The following PAPSS1 variants were observed in gnomAD, a reference collection of about 807,000 sequenced individuals.
PAPSS1 encodes 3'-phosphoadenosine 5'-phosphosulfate synthase 1, also known as bifunctional 3'-phosphoadenosine 5'-phosphosulfate synthase 1.
PAPSS1 carries 50 observed loss-of-function variants against 72.0 expected under a neutral mutation model. The observed-to-expected ratio is 0.69, with a 90% CI of 0.55 to 0.88. The LOEUF (loss-of-function observed/expected upper bound fraction) is 0.88, where lower values mean the gene tolerates loss of function less well. PAPSS1 is among the 40% of genes least tolerant of loss of function. PAPSS1 has a pLI of 0.00. For synonymous variants in PAPSS1, 261 were observed against 263.6 expected, an observed-to-expected ratio of 0.99 and a Z score of 0.09; for missense variants, 657 against 782.2, an observed-to-expected ratio of 0.84 and a Z score of 1.91.
At chr4:107,637,807 T>C (rs17037921) in intron 10 of PAPSS1, among the ~76,000 whole-genome samples, 4,580 of 152,338 alleles carry the variant, frequency 0.03, 224 homozygotes, top group African/African-American at 0.1. Flanking sequence ...GTTGTGTTAA[T>C]GCTATAAAAA....
chr4:107,708,359 A>C (rs1723393667), intron 1 of PAPSS1, among the ~76,000 whole-genome samples: 1 of 152,186 alleles, frequency 6.6e-6, no homozygotes, highest in South Asian at 2.1e-4. Flanking sequence ...GCTAAGGAGG[A>C]AAAGGGAGCT....
chr4:107,695,229 C>A (rs1485824113), intron 2 of PAPSS1, among the ~76,000 whole-genome samples: 1 of 152,028 alleles, frequency 6.6e-6, no homozygotes, highest in African/African-American at 2.4e-5. Context: ...GTTGTATTCC[C>A]AGGTATTTTA....
chr4:107,640,205 A>G (rs1053797598), intron 10 of PAPSS1, among the ~76,000 whole-genome samples: 3 of 152,220 alleles, frequency 2.0e-5, no homozygotes, highest in African/African-American at 7.2e-5. Context: ...TTAATACCTC[A>G]CAAAGACAAA....
intron 1 of PAPSS1, among the ~76,000 whole-genome samples, chr4:107,719,502 ACTC>A (rs1723721170): frequency 6.6e-6 from 1 of 152,146 alleles, no homozygotes; most frequent in African/African-American, 2.4e-5. Context: ...AGTCTTCCAA[ACTC>A]CTACTTGTTA....
intron 1 of PAPSS1, among the ~76,000 whole-genome samples, chr4:107,718,696 G>A (rs982687330): frequency 3.3e-5 from 5 of 152,208 alleles, no homozygotes; most frequent in African/African-American, 1.2e-4. Context: ...TACGCACCAT[G>A]TGGCAAATGT....
intron 6 of PAPSS1, 55 bp downstream of exon 6, chr4:107,659,904 A>C (rs1727126198): frequency 2.1e-6 from 2 of 954,826 alleles, no homozygotes; most frequent in Non-Finnish European, 3.2e-6. Flanking sequence ...CAAATTTAAC[A>C]AACTACTGTA....
intron 5 of PAPSS1, among the ~76,000 whole-genome samples, chr4:107,660,824 C>A (rs1165141925): frequency 1.3e-5 from 2 of 152,154 alleles, no homozygotes; most frequent in Admixed American, 1.3e-4. Context: ...GTAACCTCTA[C>A]AACCATGCAA....
intron 9 of PAPSS1, among the ~76,000 whole-genome samples, chr4:107,645,796 C>T (rs905917462): frequency 6.6e-5 from 10 of 152,244 alleles, no homozygotes; most frequent in Non-Finnish European, 1.0e-4. Context: ...CCTCACAATA[C>T]CTGACAAAGC....
At chr4:107,638,474 C>T (rs1030884721) in intron 10 of PAPSS1, among the ~76,000 whole-genome samples, 3 of 152,102 alleles carry the variant, frequency 2.0e-5, no homozygotes, top group African/African-American at 7.2e-5. Context: ...AGCAACCAAA[C>T]TAATTTTATT....
intron 5 of PAPSS1, among the ~76,000 whole-genome samples, chr4:107,664,452 C>G (rs1174151391): frequency 6.6e-6 from 1 of 152,140 alleles, no homozygotes; most frequent in Non-Finnish European, 1.5e-5. Context: ...AGACTGAAGA[C>G]CAGGAGCAGT....
At chr4:107,686,768 C>T (rs1473651876) in intron 4 of PAPSS1, among the ~76,000 whole-genome samples, 2 of 152,198 alleles carry the variant, frequency 1.3e-5, no homozygotes, top group Non-Finnish European at 2.9e-5. Flanking sequence ...TAATGTTAGG[C>T]ACCTAATTTT....
chr4:107,660,859 C>T (rs1483985527), intron 5 of PAPSS1, among the ~76,000 whole-genome samples: 1 of 152,132 alleles, frequency 6.6e-6, no homozygotes, highest in Non-Finnish European at 1.5e-5. Context: ...GAGGGCTTTT[C>T]ATACATGTGT....
intron 9 of PAPSS1, among the ~76,000 whole-genome samples, chr4:107,649,681 T>C (rs1048176179): frequency 1.3e-5 from 2 of 152,220 alleles, no homozygotes; most frequent in African/African-American, 4.8e-5. Context: ...CAACTTTACT[T>C]AAAACATTCT....
chr4:107,675,773 C>T (rs577556226), intron 5 of PAPSS1, among the ~76,000 whole-genome samples: 2 of 152,118 alleles, frequency 1.3e-5, no homozygotes, highest in East Asian at 1.9e-4. Flanking sequence ...AACATCGATG[C>T]AAAAATCCTC....
intron 10 of PAPSS1, among the ~76,000 whole-genome samples, chr4:107,641,846 A>G (rs1257399977): frequency 6.6e-6 from 1 of 152,190 alleles, no homozygotes; most frequent in Non-Finnish European, 1.5e-5. Flanking sequence ...CTAGAGATAT[A>G]GACAGTTCCT....
At chr4:107,668,943 C>T (rs538357120) in intron 5 of PAPSS1, among the ~76,000 whole-genome samples, 1 of 152,110 alleles carries the variant, frequency 6.6e-6, no homozygotes, top group Non-Finnish European at 1.5e-5. Context: ...CTAACCTTCA[C>T]CTCCCTACTC....
intron 10 of PAPSS1, among the ~76,000 whole-genome samples, chr4:107,634,482 T>C (rs1310016326): frequency 6.6e-6 from 1 of 152,182 alleles, no homozygotes; most frequent in Non-Finnish European, 1.5e-5. Flanking sequence ...TTAATTTACA[T>C]TCCCACCATG....
At chr4:107,701,345 T>C (rs1453041315) in intron 1 of PAPSS1, 60 bp from the exon 2 acceptor site, 6 of 1,029,008 alleles carry the variant, frequency 5.8e-6, no homozygotes, top group Non-Finnish European at 8.9e-6. Context: ...GGCAAACACA[T>C]ATTCCTTGCA....
chr4:107,691,833 C>T (rs1722930076), intron 3 of PAPSS1, among the ~76,000 whole-genome samples: 1 of 152,140 alleles, frequency 6.6e-6, no homozygotes, highest in Non-Finnish European at 1.5e-5. Flanking sequence ...ATATTATTAC[C>T]ACTACAGCTA....
Sources: gnomAD v4.1 joint callset for allele counts (sites outside exome capture counted in the v4.1 genomes callset) on GRCh38, gnomAD v4.1.1 for gene constraint, MANE v1.5 for transcripts, NCBI Gene and HGNC (gene_info 2026-07-23, HGNC 2026-07-21) for gene names.